Variants in PLA2G4D observed in about 807,000 individuals in gnomAD.
PLA2G4D encodes the protein cytosolic phospholipase A2 delta.
PLA2G4D carries 80 observed loss-of-function variants against 94.4 expected under a neutral mutation model. The ratio of observed to expected loss-of-function variants is 0.85; its 90% confidence interval spans 0.71 to 1.02. The LOEUF is 1.02. Ranked by LOEUF, PLA2G4D falls within the 50% of genes least tolerant of loss-of-function variation. The probability of loss-of-function intolerance (pLI) is 0.00; values close to 1 mark genes in which losing one functional copy is unlikely to be tolerated. For synonymous variants in PLA2G4D, 438 were observed against 440.9 expected (o/e 0.99, Z 0.08); for missense variants, 1,050 against 1,034.7 (o/e 1.01, Z -0.20).
intron 18 of PLA2G4D, chr15:42,070,489 G>C (rs948359639): frequency 1.7e-6 from 1 of 579,738 alleles, no homozygotes; most frequent in Non-Finnish European, 3.0e-6. Context: ...CTTTGGAGTA[G>C]GTGTGGGGAG....
At chr15:42,078,741 G>T (rs1013673508) in intron 13 of PLA2G4D, among the ~76,000 whole-genome samples, 6 of 152,036 alleles carry the variant, frequency 3.9e-5, no homozygotes, top group African/African-American at 1.4e-4. Context: ...CAAAGATAAA[G>T]ATGAGTCCTT....
chr15:42,068,751 C>T lies in PLA2G4D; in HGVS notation c.2421G>A (p.Arg807=). ...CCCTTGGAGGCCTCGCCTCTAGAGT[C>T]CGGTGCTTCAGCGCGGTCCTCAGGG... The part of the protein sequence containing the change: ...LQALRTALKH[R]TLEARPPRAQ... The change falls in exon 20 of 20, where the codon CGG becomes CGA. Residue 807 remains arginine, a synonymous_variant. Coordinates refer to ENST00000290472, the MANE Select transcript of PLA2G4D (RefSeq NM_178034.4). 6.2e-7 allele frequency: 1 copy of T among 1,611,488 alleles called. No individual in the cohort carries two copies. Among genetic ancestry groups the T allele is most frequent in the African/African-American group, 1.3e-5 (1 of 75,030 alleles).
rs773869186 is a variant in PLA2G4D at position 42,070,783 on chromosome 15, C to T, written c.1977G>A (p.Met659Ile). Residue 659 changes from methionine (M) to isoleucine (I), a missense_variant, in exon 18 of 20, where the codon ATG (methionine) becomes ATA (isoleucine). Physicochemically the swap from Met to Ile is conservative, Grantham distance 10. Transcript: ENST00000290472. ...AYFINTSSPS[M>I]FRPGRRLDLI... is the part of the protein sequence containing the mutation. Reference sequence around the variant, plus strand: ...GGTCCAGCCTGCGGCCTGGCCGGAACATGGAGGGAGAGCTGGTGTTGATGA... The same window carrying T: ...GGTCCAGCCTGCGGCCTGGCCGGAATATGGAGGGAGAGCTGGTGTTGATGA... The T allele has an allele frequency of 1.0e-5, 16 of 1,601,746 alleles. No individual in the cohort carries two copies. Among genetic ancestry groups the T allele is most frequent in the Non-Finnish European group, 1.3e-5 (15 of 1,173,980 alleles).
rs890692788 is a variant in PLA2G4D at position 42,068,666 on chromosome 15, T to C, written c.*49A>G. On this transcript the variant is annotated 3_prime_UTR_variant, in exon 20 of 20. Coordinates refer to ENST00000290472, the MANE Select transcript of PLA2G4D (RefSeq NM_178034.4). ...GCCTGTGGCTGAGCCCAGCTACAGA[T>C]CAGGTTATGCCCGCAGGCCCTGGAG... is the stretch of plus-strand genomic sequence containing the variant. The C allele has an allele frequency of 2.0e-6, 3 of 1,524,832 alleles. No homozygotes were observed. Among genetic ancestry groups the C allele is most frequent in the Non-Finnish European group, 2.7e-6 (3 of 1,124,332 alleles). 94.5% of individuals were successfully genotyped at this position (1,524,832 alleles called of 1,614,324 possible).
rs1320926409 is a variant in PLA2G4D, at chr15:42,071,289, G to C, written c.1710C>G (p.Thr570=). The change falls in exon 17 of 20, where the codon ACC becomes ACG. Residue 570 remains threonine (T), a synonymous_variant. Coordinates refer to ENST00000290472, the MANE Select transcript of PLA2G4D (RefSeq NM_178034.4). ...LEKEPLTTSG[T]SSRLEASWLQ... The stretch of plus-strand genomic sequence containing the variant: ...GCCACGAGGCCTCCAGCCGCGAGGA[G>C]GTCCCCGAGGTGGTCAGGGGCTCCT... 1 of 1,591,258 alleles carries C rather than the reference G, an allele frequency of 6.3e-7. No individual in the cohort carries two copies. Among genetic ancestry groups the C allele is most frequent in the Non-Finnish European group, 8.5e-7 (1 of 1,172,602 alleles).
chr15:42,094,255 T>C (rs1595601626), intron 1 of PLA2G4D, among the ~76,000 whole-genome samples, 160 bp downstream of exon 1: 1 of 152,084 alleles, frequency 6.6e-6, no homozygotes, highest in Non-Finnish European at 1.5e-5. Context: ...CTACGGATGC[T>C]GCTCACCCAC....
chr15:42,068,697 T>G lies in PLA2G4D; in HGVS notation c.*18A>C. ...TATGCCCGCAGGCCCTGGAGGGTCCTGCAGCCTCTGAGCAACCTCAGGTCT... is the reference window on the plus strand; with the variant it reads ...TATGCCCGCAGGCCCTGGAGGGTCCGGCAGCCTCTGAGCAACCTCAGGTCT... On this transcript the variant is annotated 3_prime_UTR_variant, in exon 20 of 20. Coordinates refer to ENST00000290472, the MANE Select transcript of PLA2G4D (RefSeq NM_178034.4). 1 of 1,588,042 alleles carries G rather than the reference T, an allele frequency of 6.3e-7. No individual in the cohort carries two copies. Among genetic ancestry groups the G allele is most frequent in the Non-Finnish European group, 8.6e-7 (1 of 1,166,812 alleles).
chr15:42,083,972 A>G, intron 6 of PLA2G4D, 193 bp from the exon 7 acceptor site: 2 of 587,214 alleles, frequency 3.4e-6, no homozygotes, highest in Non-Finnish European at 3.0e-6. Flanking sequence ...GATATTCCGC[A>G]GCAGCCAGGA....
chr15:42,070,312 G>T, intron 18 of PLA2G4D: 1 of 545,346 alleles, frequency 1.8e-6, no homozygotes, highest in Non-Finnish European at 3.1e-6. Context: ...TCTAGGTGGG[G>T]TCAGACCCAT....
At chr15:42,090,534 G>A (rs1890228261) in intron 1 of PLA2G4D, among the ~76,000 whole-genome samples, 2 of 152,334 alleles carry the variant, frequency 1.3e-5, no homozygotes, top group African/African-American at 4.8e-5. Context: ...AGGGAAATGA[G>A]CAGACCCGCC....
intron 13 of PLA2G4D, among the ~76,000 whole-genome samples, chr15:42,076,821 A>G (rs893944811): frequency 1.3e-5 from 2 of 152,208 alleles, no homozygotes; most frequent in African/African-American, 2.4e-5. Flanking sequence ...AAGGTGCACA[A>G]ACCCAGTGGC....
At chr15:42,082,553 A>G (rs1271191727) in intron 8 of PLA2G4D, among the ~76,000 whole-genome samples, 164 bp from the exon 9 acceptor site, 1 of 152,232 alleles carries the variant, frequency 6.6e-6, no homozygotes, top group Non-Finnish European at 1.5e-5. Flanking sequence ...GCTAATATTT[A>G]TGTAGTACGA....
At chr15:42,081,926 T>A in intron 9 of PLA2G4D, 92 bp from the exon 10 acceptor site, 5 of 1,141,134 alleles carry the variant, frequency 4.4e-6, no homozygotes, top group Non-Finnish European at 6.1e-6. Flanking sequence ...TCATCTTCAT[T>A]CTTTTTTTTT....
intron 18 of PLA2G4D, chr15:42,070,445 T>G: frequency 1.9e-6 from 1 of 529,480 alleles, no homozygotes; most frequent in Non-Finnish European, 3.3e-6. Flanking sequence ...GACATGGAGA[T>G]GCTAGGGTCT....
rs147415514 is a variant in PLA2G4D, at chr15:42,087,559, T to G, written c.118+69A>C. On this transcript the variant is annotated intron_variant, in intron 2 of 19. Transcript: ENST00000290472. The stretch of plus-strand genomic sequence containing the variant: ...GTGACCCAGCCCAGCCCCAGGGCAC[T>G]CGTCTTGGCCCTTCCTATGGGATCT... 375 of 1,606,224 alleles carry G rather than the reference T, an allele frequency of 2.3e-4. 3 individuals carry two copies. In the African/African-American group the frequency reaches 4.7e-3, roughly 20 times the overall value.
At chr15:42,075,908 A>AGAGGGGAGGG (rs531590243) in intron 13 of PLA2G4D, among the ~76,000 whole-genome samples, 1 of 59,374 alleles carries the variant, frequency 1.7e-5, no homozygotes, top group African/African-American at 7.2e-5. Context: ...GGAGGGAGGG[A>AGAGGGGAGGG]GAGGGGAGGG....
rs374601499 is a variant in PLA2G4D at position 42,070,818 on chromosome 15, C to T, written c.1942G>A (p.Ala648Thr). 38 of 1,610,066 alleles carry T rather than the reference C, an allele frequency of 2.4e-5. No homozygotes were observed. The highest frequency in any genetic ancestry group is 1.2e-4 in the Admixed American group (7 of 59,588). ...GAGCTGGTGTTGATGAAGTAGGCGGCGTCCACCAGGCAGAGCCGGGGCTCC... is the reference window on the plus strand; with the variant it reads ...GAGCTGGTGTTGATGAAGTAGGCGGTGTCCACCAGGCAGAGCCGGGGCTCC... ...PKEPRLCLVDAAYFINTSSPS... is the reference protein window; with the variant it reads ...PKEPRLCLVDTAYFINTSSPS... Residue 648 changes from alanine (A) to threonine (T), a missense_variant, in exon 18 of 20, where the codon GCC becomes ACC. Physicochemically the swap from Ala to Thr is moderately conservative, Grantham distance 58. Coordinates refer to ENST00000290472, the MANE Select transcript of PLA2G4D (RefSeq NM_178034.4).
In PLA2G4D at chr15:42,079,448, A is replaced by T. The variant is rs1012653149; in HGVS notation, c.1317+89T>A. 41 of 1,294,120 alleles carry T rather than the reference A, an allele frequency of 3.2e-5. No individual in the cohort carries two copies. The African/African-American group carries it at 5.7e-4, about 18-fold the overall frequency. The allele number at this position is 1,294,120 out of a possible 1,614,324, so 80.2% of individuals were successfully genotyped here. A position where few individuals can be genotyped will look rare whatever the true frequency, so the allele number is the denominator to read the frequency against. On this transcript the variant is annotated intron_variant, in intron 13 of 19. Coordinates refer to ENST00000290472, the MANE Select transcript of PLA2G4D (RefSeq NM_178034.4). ...CACTGGCTCTTCCACGCTGCAAGAA[A>T]TACGCACGCGCATGTCAGCCGCTTG...
At chr15:42,079,025 T>C (rs1889981039) in intron 13 of PLA2G4D, among the ~76,000 whole-genome samples, 1 of 152,210 alleles carries the variant, frequency 6.6e-6, no homozygotes, top group South Asian at 2.1e-4. Context: ...TGGTGAGGTA[T>C]CACTGAGTAT....
Sources: gnomAD v4.1 joint callset for allele counts (sites outside exome capture counted in the v4.1 genomes callset) on GRCh38, gnomAD v4.1.1 for gene constraint, MANE v1.5 for transcripts, NCBI Gene and HGNC (gene_info 2026-07-23, HGNC 2026-07-21) for gene names.